The following KIAA1549L variants were observed in gnomAD, a reference collection of about 807,000 sequenced individuals.
The protein encoded by KIAA1549L is UPF0606 protein KIAA1549L.
Under a neutral mutation model 160.7 loss-of-function variants are expected in KIAA1549L, and 88 were observed. The observed-to-expected ratio is 0.55, with a 90% CI of 0.46 to 0.65. The LOEUF (loss-of-function observed/expected upper bound fraction) is 0.65. Among genes scored for constraint, KIAA1549L ranks in the 30% least tolerant of loss-of-function variants. KIAA1549L has a pLI of 0.00. For synonymous variants in KIAA1549L, 950 were observed against 976.7 expected, an observed-to-expected ratio of 0.97 and a Z score of 0.51; for missense variants, 2,258 against 2,437.5, an observed-to-expected ratio of 0.93 and a Z score of 1.55.
chr11:33,515,116 AT>A (rs1238493050), intron 1 of KIAA1549L, among the ~76,000 whole-genome samples: 5 of 152,262 alleles, frequency 3.3e-5, no homozygotes, highest in Admixed American at 3.3e-4. Context: ...GGTCGTATTT[AT>A]TTGCAGTGAA....
intron 1 of KIAA1549L, among the ~76,000 whole-genome samples, chr11:33,458,619 G>T (rs1253839926): frequency 6.6e-6 from 1 of 152,248 alleles, no homozygotes; most frequent in Non-Finnish European, 1.5e-5. Flanking sequence ...CACAGAGCAG[G>T]ACCTGAGAAG....
At chr11:33,617,479 T>C (rs1041032765) in intron 15 of KIAA1549L, among the ~76,000 whole-genome samples, 5 of 152,218 alleles carry the variant, frequency 3.3e-5, no homozygotes, top group Non-Finnish European at 7.3e-5. Context: ...TGCCACTCCC[T>C]GGGCCTGAAA....
In KIAA1549L at chr11:33,543,789, T is replaced by A. The variant is rs575051154; in HGVS notation, c.2226T>A (p.Ala742=). ...GGGAAACTCATTTAGCTCCAACAGC[T>A]CCTCCCAATGGTTTAACTTCAGCTG... The part of the protein sequence containing the change: ...TSWETHLAPT[A]PPNGLTSAAD... The change falls in exon 2 of 21, where the codon GCT becomes GCA. Residue 742 remains alanine (A), a synonymous_variant. Transcript: ENST00000658780. 2.5e-6 allele frequency: 4 copies of A among 1,613,992 alleles called. No homozygotes were observed. The highest frequency in any genetic ancestry group is 1.1e-5 in the South Asian group (1 of 91,084).
intron 16 of KIAA1549L, among the ~76,000 whole-genome samples, chr11:33,626,133 A>C (rs1851106255): frequency 6.7e-6 from 1 of 148,942 alleles, no homozygotes; most frequent in Non-Finnish European, 1.5e-5. Flanking sequence ...CTGTTTTGGT[A>C]CCAGTACCAT....
intron 1 of KIAA1549L, among the ~76,000 whole-genome samples, chr11:33,507,444 G>C (rs1853118295): frequency 6.6e-6 from 1 of 152,192 alleles, no homozygotes; most frequent in Admixed American, 6.5e-5. Context: ...CATTTTTGCA[G>C]CTTTGATCTT....
At position 33,544,829 on chromosome 11, in the gene KIAA1549L, A is replaced by G. The variant is rs1854180482; in HGVS notation, c.2836A>G (p.Lys946Glu). 6.2e-7 allele frequency: 1 copy of G among 1,612,446 alleles called. No homozygotes were observed. The highest frequency in any genetic ancestry group is 8.5e-7 in the Non-Finnish European group (1 of 1,178,792). ...AGCTGCCGTCACATTGTTTCTGAGG[A>G]AATCAAGTCCACCTGCACTGTCTGC... The part of the protein sequence containing the change: ...AAAAVTLFLR[K>E]SSPPALSAAL... The change falls in exon 3 of 21, where the codon AAA (lysine) becomes GAA (glutamate). Residue 946 changes from lysine to glutamate, a missense_variant. Lys to Glu is a moderately conservative substitution (Grantham distance 56). Coordinates refer to ENST00000658780, the MANE Select transcript of KIAA1549L (RefSeq NM_012194.3).
chr11:33,481,088 G>T (rs1852402307), intron 1 of KIAA1549L, among the ~76,000 whole-genome samples: 1 of 152,140 alleles, frequency 6.6e-6, no homozygotes, highest in Admixed American at 6.5e-5. Context: ...TAGGAATAGT[G>T]CATTTCTGTA....
intron 1 of KIAA1549L, among the ~76,000 whole-genome samples, chr11:33,388,480 G>T (rs1850215245): frequency 1.3e-5 from 2 of 152,200 alleles, no homozygotes; most frequent in Non-Finnish European, 2.9e-5. Context: ...ATTCTCTAGA[G>T]TCATGCTGTC....
chr11:33,522,048 T>A (rs1853506336), intron 1 of KIAA1549L, among the ~76,000 whole-genome samples: 1 of 152,232 alleles, frequency 6.6e-6, no homozygotes, highest in Non-Finnish European at 1.5e-5. Flanking sequence ...ATGGAATTTT[T>A]AAAATAAATG....
intron 1 of KIAA1549L, among the ~76,000 whole-genome samples, chr11:33,429,642 C>T (rs1038157891): frequency 6.6e-6 from 1 of 152,148 alleles, no homozygotes; most frequent in East Asian, 1.9e-4. Context: ...ATCTTCATGA[C>T]CTCTAAACAT....
chr11:33,614,948 A>G (rs1228011216), intron 15 of KIAA1549L, among the ~76,000 whole-genome samples: 1 of 150,424 alleles, frequency 6.6e-6, no homozygotes, highest in Non-Finnish European at 1.5e-5. Context: ...GTCCTGATCT[A>G]TTGGCCATGC....
chr11:33,659,404 G>A (rs564968819), intron 19 of KIAA1549L, among the ~76,000 whole-genome samples: 13 of 152,230 alleles, frequency 8.5e-5, no homozygotes, highest in South Asian at 8.3e-4. Context: ...TCTCCAGGTT[G>A]CTATACACAT....
rs74747779 is a variant in KIAA1549L, at chr11:33,531,117, G to T, written c.239-10685G>T. On this transcript the variant is annotated intron_variant, in intron 1 of 20. Coordinates refer to ENST00000658780, the MANE Select transcript of KIAA1549L (RefSeq NM_012194.3). ...TTTTTCCATCTTTTCTAAATTTTCT[G>T]TAATGATCATGTAAACCCAGGTTAA... Among the ~76,000 whole-genome samples, 1,284 of 152,226 alleles carry T rather than the reference G, an allele frequency of 8.4e-3. 21 individuals are homozygous for T. Among genetic ancestry groups the T allele is most frequent in the African/African-American group, 0.03 (1,229 of 41,542 alleles).
At chr11:33,408,516 T>C (rs1446828696) in intron 1 of KIAA1549L, among the ~76,000 whole-genome samples, 1 of 147,000 alleles carries the variant, frequency 6.8e-6, no homozygotes, top group Non-Finnish European at 1.5e-5. Flanking sequence ...TATATACACA[T>C]GTATATATGT....
At chr11:33,641,627 TATATATAC>T (rs1851588391) in intron 16 of KIAA1549L, among the ~76,000 whole-genome samples, 1 of 61,090 alleles carries the variant, frequency 1.6e-5, no homozygotes, top group Non-Finnish European at 2.9e-5. Flanking sequence ...TATATATATA[TATATATAC>T]ACAGTGGGTA....
At chr11:33,660,352 C>T (rs1322899047) in intron 19 of KIAA1549L, among the ~76,000 whole-genome samples, 1 of 152,120 alleles carries the variant, frequency 6.6e-6, no homozygotes, top group Non-Finnish European at 1.5e-5. Context: ...CCGAGGCAGG[C>T]GGATCACAAG....
chr11:33,544,376 C>T, intron 2 of KIAA1549L, 40 bp downstream of exon 2: 2 of 1,593,942 alleles, frequency 1.3e-6, no homozygotes, highest in South Asian at 1.1e-5. Flanking sequence ...CCCGGTACCC[C>T]CAAAACAGGC....
At chr11:33,428,842 T>C (rs1383855801) in intron 1 of KIAA1549L, among the ~76,000 whole-genome samples, 1 of 152,232 alleles carries the variant, frequency 6.6e-6, no homozygotes, top group Non-Finnish European at 1.5e-5. Context: ...GGTCAAATGG[T>C]ATCTCTAGTT....
chr11:33,575,581 C>T (rs1277726796), intron 10 of KIAA1549L, among the ~76,000 whole-genome samples: 7 of 152,282 alleles, frequency 4.6e-5, no homozygotes, highest in African/African-American at 1.2e-4. Context: ...ATAACCTGCT[C>T]GGCATCACAG....
Sources: gnomAD v4.1 joint callset for allele counts (sites outside exome capture counted in the v4.1 genomes callset) on GRCh38, gnomAD v4.1.1 for gene constraint, MANE v1.5 for transcripts, NCBI Gene and HGNC (gene_info 2026-07-23, HGNC 2026-07-21) for gene names.